The following AGO4 variants were observed in gnomAD, a reference collection of about 807,000 sequenced individuals.
AGO4 encodes protein argonaute-4.
AGO4 carries 33 observed loss-of-function variants against 104.7 expected under a neutral mutation model. The observed-to-expected ratio is 0.32, with a 90% CI of 0.24 to 0.42. The LOEUF (loss-of-function observed/expected upper bound fraction) is 0.42. AGO4 is among the 10% of genes least tolerant of loss of function. The pLI is 1.00. For missense variants in AGO4, 711 were observed against 1,083.4 expected (o/e 0.66, Z 4.83); for synonymous variants, 331 against 364.7 (o/e 0.91, Z 1.05).
At chr1:35,847,388 C>G (rs1230882248) in intron 15 of AGO4, among the ~76,000 whole-genome samples, 1 of 152,120 alleles carries the variant, frequency 6.6e-6, no homozygotes, top group South Asian at 2.1e-4. Flanking sequence ...CACATGCCAC[C>G]ATGCCCAGCT....
At chr1:35,845,113 C>G (rs559828788) in intron 15 of AGO4, among the ~76,000 whole-genome samples, 3 of 39,396 alleles carry the variant, frequency 7.6e-5, no homozygotes, top group African/African-American at 3.4e-4. Flanking sequence ...TGTAATCAGA[C>G]TTTTTTTTTT....
At chr1:35,843,211 G>A (rs1403892622) in intron 15 of AGO4, among the ~76,000 whole-genome samples, 3 of 151,938 alleles carry the variant, frequency 2.0e-5, no homozygotes, top group Non-Finnish European at 4.4e-5. Flanking sequence ...GATTATAGGC[G>A]CCCACCACCA....
intron 1 of AGO4, among the ~76,000 whole-genome samples, chr1:35,813,943 C>T (rs1643602276): frequency 1.3e-5 from 2 of 151,458 alleles, no homozygotes; most frequent in Admixed American, 1.3e-4. Context: ...GGCATGGTGG[C>T]GGGTGCCTGT....
intron 2 of AGO4, among the ~76,000 whole-genome samples, chr1:35,821,586 C>G (rs770171440): frequency 6.6e-6 from 1 of 152,092 alleles, no homozygotes; most frequent in Non-Finnish European, 1.5e-5. Context: ...TGCAAGAACA[C>G]TTAAGTAAAG....
At position 35,831,350 on chromosome 1, in the gene AGO4, C is replaced by CA. The variant is rs201655108; in HGVS notation, c.849-68dup. 1.5e-3 allele frequency: 2,221 copies of CA among 1,434,388 alleles called. 17 individuals are homozygous for CA. In the African/African-American group the frequency reaches 0.021, roughly 13 times the overall value. 88.9% of individuals were successfully genotyped at this position (1,434,388 alleles called of 1,614,324 possible). A position where few individuals can be genotyped will look rare whatever the true frequency, so the allele number is the denominator to read the frequency against. ...TGGGCGACAGAGTGAGACACTGTCT[C>CA]AAAAAAAAAGAAAAAAGAAAAAGAA... is the stretch of plus-strand genomic sequence containing the variant. On this transcript the variant is annotated intron_variant, in intron 7 of 17. Coordinates refer to ENST00000373210, the MANE Select transcript of AGO4 (RefSeq NM_017629.4).
rs1345881634 is a variant in AGO4 at position 35,854,013 on chromosome 1, G to C, written c.*408G>C. On this transcript the variant is annotated 3_prime_UTR_variant, in exon 18 of 18. Transcript: ENST00000373210. ...TTGAGTGGGGTATATGCATAAGTGG[G>C]AGAGAAAAACCAAACAATCTACTTC... 3 of 153,730 alleles carry C rather than the reference G, an allele frequency of 2.0e-5. No homozygotes were observed. The highest frequency in any genetic ancestry group is 7.2e-5 in the African/African-American group (3 of 41,474). 9.5% of individuals were successfully genotyped at this position (153,730 alleles called of 1,614,324 possible).
At chr1:35,809,771 C>T (rs142351115) in intron 1 of AGO4, among the ~76,000 whole-genome samples, 3 of 152,128 alleles carry the variant, frequency 2.0e-5, no homozygotes, top group African/African-American at 7.2e-5. Flanking sequence ...ATTTTCTCGT[C>T]TATAAATTGA....
intron 3 of AGO4, among the ~76,000 whole-genome samples, chr1:35,824,095 C>T (rs922887997): frequency 5.9e-5 from 9 of 152,200 alleles, no homozygotes; most frequent in Middle Eastern, 3.4e-3. Flanking sequence ...ATAATACTCA[C>T]TTATGAAAAT....
chr1:35,824,761 A>G (rs373141401), intron 3 of AGO4, among the ~76,000 whole-genome samples: 1 of 152,282 alleles, frequency 6.6e-6, no homozygotes, highest in East Asian at 1.9e-4. Context: ...TTATTGCACC[A>G]CTGCACTCCA....
intron 10 of AGO4, 77 bp downstream of exon 10, chr1:35,832,262 G>A (rs955529803): frequency 3.1e-5 from 48 of 1,567,816 alleles, no homozygotes; most frequent in African/African-American, 4.1e-5. Flanking sequence ...TCTCTACTCT[G>A]CCACTGCTGA....
chr1:35,855,498 G>C lies in AGO4; in HGVS notation c.*1893G>C. 6.6e-6 allele frequency: 1 copy of C among 152,612 alleles called. No individual in the cohort carries two copies. Among genetic ancestry groups the C allele is most frequent in the East Asian group, 1.9e-4 (1 of 5,194 alleles). The allele number at this position is 152,612 out of a possible 1,614,324, so 9.5% of individuals were successfully genotyped here. On this transcript the variant is annotated 3_prime_UTR_variant, in exon 18 of 18. Coordinates refer to ENST00000373210, the MANE Select transcript of AGO4 (RefSeq NM_017629.4). ...TGTGTTTGCTGAGACTGGTCTCTGA[G>C]AGAGTTTTATGTCGATCGAGGCCTG...
intron 1 of AGO4, 135 bp from the exon 2 acceptor site, chr1:35,816,747 C>G (rs1315598110): frequency 2.1e-6 from 2 of 950,102 alleles, no homozygotes; most frequent in Non-Finnish European, 2.9e-6. Context: ...TGCAGTGAGC[C>G]AAGATCAAGC....
At chr1:35,842,309 C>T (rs1644465265) in intron 15 of AGO4, among the ~76,000 whole-genome samples, 1 of 152,046 alleles carries the variant, frequency 6.6e-6, no homozygotes, top group Non-Finnish European at 1.5e-5. Context: ...CCAAAACCAT[C>T]TCCCCGCCGC....
At chr1:35,814,279 T>C (rs568668514) in intron 1 of AGO4, among the ~76,000 whole-genome samples, 1 of 152,294 alleles carries the variant, frequency 6.6e-6, no homozygotes, top group South Asian at 2.1e-4. Flanking sequence ...GCATTAGATA[T>C]TGAGAAGATT....
chr1:35,843,420 A>T (rs913381944), intron 15 of AGO4, among the ~76,000 whole-genome samples: 3 of 152,092 alleles, frequency 2.0e-5, no homozygotes, highest in Non-Finnish European at 2.9e-5. Flanking sequence ...TGGGCCCCAG[A>T]TCCAATCAGC....
intron 7 of AGO4, among the ~76,000 whole-genome samples, chr1:35,830,880 G>T (rs1199866399): frequency 6.6e-6 from 1 of 151,152 alleles, no homozygotes; most frequent in Non-Finnish European, 1.5e-5. Context: ...CCTGAGGCAG[G>T]AGAACCGCTT....
At position 35,841,101 on chromosome 1, in the gene AGO4, CT is replaced by C; in HGVS notation, c.1725-62del. On this transcript the variant is annotated intron_variant, in intron 13 of 17. Coordinates refer to ENST00000373210, the MANE Select transcript of AGO4 (RefSeq NM_017629.4). This position sits in a 1 kb window ranked among gnomAD's most constrained non-coding sequence, Gnocchi z 4.7. ...ATCTGATTATATCTGGTGATATAAT[CT>C]TGCTAAACTCAAACATTTTCACTTA... 6.6e-7 allele frequency: 1 copy of C among 1,523,146 alleles called. No individual in the cohort carries two copies. Among genetic ancestry groups the C allele is most frequent in the Non-Finnish European group, 9.0e-7 (1 of 1,113,192 alleles). The allele number at this position is 1,523,146 out of a possible 1,614,324, so 94.4% of individuals were successfully genotyped here. A position where few individuals can be genotyped will look rare whatever the true frequency, so the allele number is the denominator to read the frequency against.
intron 1 of AGO4, among the ~76,000 whole-genome samples, chr1:35,811,144 AAAC>A (rs1487530550): frequency 6.6e-6 from 1 of 150,500 alleles, no homozygotes; most frequent in African/African-American, 2.4e-5. Context: ...AAACAAAACA[AAAC>A]AACAAAAAAA....
At position 35,808,820 on chromosome 1, in the gene AGO4, C is replaced by A. The variant is rs1487085045; in HGVS notation, c.19+385C>A. ...CTGGCCCAGACCGGGAAAAGGGCCC[C>A]GCTGCCTACTACCAGCCGGTAGTCC... is the stretch of plus-strand genomic sequence containing the variant. On this transcript the variant is annotated intron_variant, in intron 1 of 17. Transcript: ENST00000373210. The surrounding 1 kb of genome is among the most constrained non-coding windows in gnomAD (Gnocchi z 5.2). 6.6e-6 allele frequency among the ~76,000 whole-genome samples: 1 copy of A among 152,218 alleles called. No homozygotes were observed. The highest frequency in any genetic ancestry group is 2.4e-5 in the African/African-American group (1 of 41,462).
Sources: allele counts gnomAD v4.1 joint callset (sites outside exome capture counted in the v4.1 genomes callset), GRCh38; gene constraint gnomAD v4.1.1; non-coding constraint Gnocchi (gnomAD v3.1); transcripts MANE v1.5; gene names NCBI Gene and HGNC (gene_info 2026-07-23, HGNC 2026-07-21).